ADCY2: variants seen among roughly 807,000 people sequenced by gnomAD.
ADCY2 encodes the protein adenylate cyclase 2.
In ADCY2, 31 loss-of-function variants were observed where a neutral mutation model predicts 125.2. The ratio of observed to expected loss-of-function variants is 0.25; its 90% CI spans 0.19 to 0.33. The LOEUF is 0.33. Ranked by LOEUF, ADCY2 falls within the 10% of genes least tolerant of loss-of-function variation. The probability of loss-of-function intolerance (pLI) is 1.00; values close to 1 mark genes in which losing one functional copy is unlikely to be tolerated. For missense variants in ADCY2, 904 were observed against 1,418.2 expected, an observed-to-expected ratio of 0.64 and a Z score of 5.82; for synonymous variants, 512 against 548.4, an observed-to-expected ratio of 0.93 and a Z score of 0.93.
chr5:7,589,790 G>A (rs1204586476), intron 3 of ADCY2, among the ~76,000 whole-genome samples: 8 of 152,072 alleles, frequency 5.3e-5, no homozygotes, highest in Non-Finnish European at 2.9e-5. Context: ...TACAGCACTC[G>A]GGAGCTCACA....
At chr5:7,821,738 G>A (rs1454136943) in intron 24 of ADCY2, among the ~76,000 whole-genome samples, 10 of 152,216 alleles carry the variant, frequency 6.6e-5, no homozygotes. Context: ...ATTTTCAGAC[G>A]ACAGGCTGTG....
chr5:7,830,061 C>T lies in ADCY2; in HGVS notation c.*3190C>T, dbSNP rs948704675. 1.3e-5 allele frequency: 2 copies of T among 149,588 alleles called. No homozygotes were observed. The highest frequency in any genetic ancestry group is 3.0e-5 in the Non-Finnish European group (2 of 67,554). 9.3% of individuals were successfully genotyped at this position (149,588 alleles called of 1,614,324 possible). A position where few individuals can be genotyped will look rare whatever the true frequency, so the allele number is the denominator to read the frequency against. The stretch of plus-strand genomic sequence containing the variant: ...TACCACTGCACTCCAGCCTGGGTGA[C>T]AGAGCGAGACTCTGTCTCAGAAAAA... On this transcript the variant is annotated 3_prime_UTR_variant, in exon 25 of 25. Coordinates refer to ENST00000338316, the MANE Select transcript of ADCY2 (RefSeq NM_020546.3).
At chr5:7,680,489 C>T (rs1333677992) in intron 4 of ADCY2, among the ~76,000 whole-genome samples, 2 of 152,166 alleles carry the variant, frequency 1.3e-5, no homozygotes, top group Admixed American at 6.5e-5. Flanking sequence ...TGAAGGGGTT[C>T]AAATTCTTTA....
intron 4 of ADCY2, among the ~76,000 whole-genome samples, chr5:7,680,990 T>C (rs1740309922): frequency 6.6e-6 from 1 of 152,188 alleles, no homozygotes; most frequent in Admixed American, 6.5e-5. Flanking sequence ...ATAGGATATG[T>C]ATGTGTAGAA....
In ADCY2 at chr5:7,414,647, G is replaced by T; in HGVS notation, c.285G>T (p.Leu95=). Residue 95 remains leucine (L), a synonymous_variant, in exon 2 of 25, where the codon CTG becomes CTT. Coordinates refer to ENST00000338316, the MANE Select transcript of ADCY2 (RefSeq NM_020546.3). ...ALAIFFAIFI[L]VCIESVFKKL... ...CGATTTTCTTTGCGATATTTATCCTGGTCTGCATCGAGTCTGTGTTTAAGA... is the reference window on the plus strand; with the variant it reads ...CGATTTTCTTTGCGATATTTATCCTTGTCTGCATCGAGTCTGTGTTTAAGA... 1 of 1,613,248 alleles carries T rather than the reference G, an allele frequency of 6.2e-7. No homozygotes were observed. The highest frequency in any genetic ancestry group is 8.5e-7 in the Non-Finnish European group (1 of 1,179,744).
At chr5:7,719,516 A>G (rs1397400230) in intron 12 of ADCY2, among the ~76,000 whole-genome samples, 1 of 152,230 alleles carries the variant, frequency 6.6e-6, no homozygotes, top group African/African-American at 2.4e-5. Flanking sequence ...GGCTTGATGT[A>G]CCATTCACTT....
chr5:7,558,386 G>A (rs928230406), intron 3 of ADCY2, among the ~76,000 whole-genome samples: 1 of 152,132 alleles, frequency 6.6e-6, no homozygotes, highest in African/African-American at 2.4e-5. Flanking sequence ...ATTCTAACTA[G>A]TGTGAGATGG....
intron 2 of ADCY2, among the ~76,000 whole-genome samples, chr5:7,481,510 G>C (rs549107339): frequency 6.6e-6 from 1 of 151,240 alleles, no homozygotes; most frequent in Admixed American, 6.6e-5. Flanking sequence ...CTCATGATCC[G>C]CTTGCCTCGG....
intron 2 of ADCY2, among the ~76,000 whole-genome samples, chr5:7,438,046 C>T (rs1740872151): frequency 6.6e-6 from 1 of 152,208 alleles, no homozygotes; most frequent in African/African-American, 2.4e-5. Context: ...TATAACTCAA[C>T]TCACTGATTA....
chr5:7,789,158 G>T (rs1474020454), intron 19 of ADCY2, among the ~76,000 whole-genome samples: 2 of 152,152 alleles, frequency 1.3e-5, no homozygotes, highest in East Asian at 1.9e-4. Context: ...TCCATATTTT[G>T]CAATGATTAC....
intron 2 of ADCY2, among the ~76,000 whole-genome samples, chr5:7,464,955 C>A (rs950347946): frequency 4.6e-5 from 7 of 152,082 alleles, no homozygotes; most frequent in African/African-American, 1.7e-4. Context: ...GAGGCCTCAC[C>A]ATCATGGTGG....
rs186358466 is a variant in ADCY2 at position 7,813,816 on chromosome 5, G to A, written c.2884-3050G>A. Among the ~76,000 whole-genome samples, 200 of 152,288 alleles carry A rather than the reference G, an allele frequency of 1.3e-3. 4 individuals carry two copies. The highest frequency in any genetic ancestry group is 0.012 in the Admixed American group (182 of 15,298). On this transcript the variant is annotated intron_variant, in intron 22 of 24. Transcript: ENST00000338316. Reference sequence around the variant, plus strand: ...ATTGGGCAATAATTTCTCAAGGAGCGGAGCTTGTTTGCTGCACCTTGGTTT... The same window carrying A: ...ATTGGGCAATAATTTCTCAAGGAGCAGAGCTTGTTTGCTGCACCTTGGTTT...
intron 2 of ADCY2, among the ~76,000 whole-genome samples, chr5:7,440,074 TGATGTCAAA>T (rs1234955153): frequency 6.6e-6 from 1 of 152,174 alleles, no homozygotes; most frequent in African/African-American, 2.4e-5. Flanking sequence ...GTAGTGACTG[TGATGTCAAA>T]GATGAGAGAA....
At chr5:7,704,294 T>C (rs185027840) in intron 7 of ADCY2, among the ~76,000 whole-genome samples, 1 of 152,280 alleles carries the variant, frequency 6.6e-6, no homozygotes, top group African/African-American at 2.4e-5. Flanking sequence ...TGCTCTTCTC[T>C]CTGTGTTCAC....
intron 3 of ADCY2, among the ~76,000 whole-genome samples, chr5:7,538,583 T>C (rs1345493573): frequency 2.0e-5 from 3 of 152,082 alleles, no homozygotes; most frequent in African/African-American, 7.2e-5. Flanking sequence ...GGAGAAAACA[T>C]TTGAGTTTTC....
intron 14 of ADCY2, among the ~76,000 whole-genome samples, chr5:7,741,486 T>C (rs1474517823): frequency 6.8e-6 from 1 of 146,994 alleles, no homozygotes; most frequent in Non-Finnish European, 1.5e-5. Context: ...CTATAGATTT[T>C]AGGATGTAGC....
At chr5:7,701,712 A>G (rs1434385236) in intron 7 of ADCY2, among the ~76,000 whole-genome samples, 1 of 151,970 alleles carries the variant, frequency 6.6e-6, no homozygotes, top group Non-Finnish European at 1.5e-5. Context: ...GATTTTTACT[A>G]TTCTGGATAT....
chr5:7,423,180 A>G (rs1197210837), intron 2 of ADCY2, among the ~76,000 whole-genome samples: 1 of 152,140 alleles, frequency 6.6e-6, no homozygotes, highest in Non-Finnish European at 1.5e-5. Flanking sequence ...TCCTGATGAC[A>G]CCTGTGCATT....
intron 18 of ADCY2, among the ~76,000 whole-genome samples, chr5:7,774,278 G>T (rs956359256): frequency 6.6e-6 from 1 of 152,144 alleles, no homozygotes; most frequent in African/African-American, 2.4e-5. Flanking sequence ...TCAAGCTTAA[G>T]GCAGTGGGGT....
Sources: allele counts gnomAD v4.1 joint callset (sites outside exome capture counted in the v4.1 genomes callset), GRCh38; gene constraint gnomAD v4.1.1; transcripts MANE v1.5; gene names NCBI Gene and HGNC (gene_info 2026-07-23, HGNC 2026-07-21).